SEMA6A: variants seen among roughly 807,000 people sequenced by gnomAD.
SEMA6A encodes semaphorin-6A.
In SEMA6A, 25 loss-of-function variants were observed where a neutral mutation model predicts 96.8. The ratio of observed to expected loss-of-function variants is 0.26; its 90% CI spans 0.19 to 0.36. The LOEUF (loss-of-function observed/expected upper bound fraction) is 0.36, where lower values mean the gene tolerates loss of function less well. Ranked by LOEUF, SEMA6A falls within the 10% of genes least tolerant of loss-of-function variation. The probability of loss-of-function intolerance (pLI) is 1.00; values close to 1 mark genes in which losing one functional copy is unlikely to be tolerated. For missense variants in SEMA6A, 1,363 were observed against 1,323.1 expected (o/e 1.03, Z -0.47); for synonymous variants, 612 against 518.0 (o/e 1.18, Z -2.46).
intron 1 of SEMA6A, among the ~76,000 whole-genome samples, chr5:116,528,355 G>T (rs1391674600): frequency 1.3e-5 from 2 of 152,124 alleles, no homozygotes; most frequent in African/African-American, 4.8e-5. Context: ...ACAGACCCCA[G>T]TACCTTGCTG....
chr5:116,478,120 T>A lies in SEMA6A; in HGVS notation c.1462A>T (p.Met488Leu), dbSNP rs764939475. The A allele has an allele frequency of 6.2e-7, 1 of 1,613,958 alleles. No homozygotes were observed. Among genetic ancestry groups the A allele is most frequent in the Non-Finnish European group, 8.5e-7 (1 of 1,179,860 alleles). ...SYDGVEDKRI[M>L]GMQLDRASSS... ...CTTGCTCTGTCCAGCTGCATGCCCA[T>A]GATCCTTTTGTCTTCGACTCCATCA... Residue 488 changes from methionine to leucine, a missense_variant, in exon 14 of 19, where the codon ATG becomes TTG. Coordinates refer to ENST00000343348, the MANE Select transcript of SEMA6A (RefSeq NM_020796.5).
At chr5:116,572,171 G>A (rs1366627927) in intron 1 of SEMA6A, among the ~76,000 whole-genome samples, 1 of 152,222 alleles carries the variant, frequency 6.6e-6, no homozygotes, top group Non-Finnish European at 1.5e-5. Flanking sequence ...CTGCAAGTGG[G>A]TTAAACGGCT....
At chr5:116,473,164 G>T in intron 16 of SEMA6A, 71 bp from the exon 17 acceptor site, 2 of 1,457,690 alleles carry the variant, frequency 1.4e-6, no homozygotes, top group Non-Finnish European at 1.9e-6. Context: ...ACATAAGTGG[G>T]AATGAGCTAA....
intron 16 of SEMA6A, among the ~76,000 whole-genome samples, chr5:116,473,864 C>G (rs1756301030): frequency 6.6e-6 from 1 of 152,210 alleles, no homozygotes; most frequent in Admixed American, 6.5e-5. Flanking sequence ...GCAGCCTTAC[C>G]TCCTGCCCCG....
intron 1 of SEMA6A, among the ~76,000 whole-genome samples, chr5:116,526,760 C>A (rs996868676): frequency 2.0e-5 from 3 of 152,146 alleles, no homozygotes; most frequent in African/African-American, 2.4e-5. Context: ...AACTCCTGTT[C>A]TATATACACG....
chr5:116,570,352 G>T (rs1761163266), intron 1 of SEMA6A, among the ~76,000 whole-genome samples: 1 of 152,044 alleles, frequency 6.6e-6, no homozygotes, highest in South Asian at 2.1e-4. Flanking sequence ...AGTGGGGGGG[G>T]TTCCTGATAT....
chr5:116,544,068 T>C (rs78994035), intron 1 of SEMA6A, among the ~76,000 whole-genome samples: 3,313 of 152,230 alleles, frequency 0.022, 111 homozygotes, highest in African/African-American at 0.072. Flanking sequence ...ATGAAATAAC[T>C]GGGGTACTTG....
At chr5:116,545,761 AAAAATGGCAGCTCCAAATGGG>A (rs1198442244) in intron 1 of SEMA6A, among the ~76,000 whole-genome samples, 2 of 152,238 alleles carry the variant, frequency 1.3e-5, no homozygotes, top group Non-Finnish European at 2.9e-5. Context: ...GCTGCTATGG[AAAAATGGCAGCTCCAAATGGG>A]AAAATGGAGA....
intron 1 of SEMA6A, among the ~76,000 whole-genome samples, chr5:116,569,778 G>A (rs543448204): frequency 6.6e-6 from 1 of 152,308 alleles, no homozygotes; most frequent in African/African-American, 2.4e-5. Context: ...TCAAAGAATG[G>A]AGTTGCCATT....
chr5:116,557,165 A>G (rs1254026841), intron 1 of SEMA6A, among the ~76,000 whole-genome samples: 1 of 152,260 alleles, frequency 6.6e-6, no homozygotes, highest in Non-Finnish European at 1.5e-5. Context: ...TCTGAGGACT[A>G]ATTATATCAT....
At chr5:116,468,643 A>G (rs535613977) in intron 17 of SEMA6A, 1 of 152,348 alleles carries the variant, frequency 6.6e-6, no homozygotes, top group East Asian at 1.9e-4. Context: ...CCACAAGGTT[A>G]AATACAGATT....
intron 1 of SEMA6A, among the ~76,000 whole-genome samples, chr5:116,537,412 C>A (rs1759763863): frequency 6.6e-6 from 1 of 152,156 alleles, no homozygotes; most frequent in South Asian, 2.1e-4. Context: ...TCCTGCTCTG[C>A]ACGTGAAGCA....
chr5:116,543,514 CAA>C (rs1760059978), intron 1 of SEMA6A, among the ~76,000 whole-genome samples: 1 of 152,186 alleles, frequency 6.6e-6, no homozygotes, highest in Admixed American at 6.5e-5. Context: ...AATATAAAAA[CAA>C]TGCTTATCTC....
intron 1 of SEMA6A, among the ~76,000 whole-genome samples, chr5:116,545,726 T>C (rs577668021): frequency 3.3e-4 from 50 of 152,222 alleles, no homozygotes; most frequent in Non-Finnish European, 6.6e-4. Flanking sequence ...GCATTTGACA[T>C]TTCTAATACC....
At chr5:116,479,884 C>A (rs1265431411) in intron 12 of SEMA6A, among the ~76,000 whole-genome samples, 2 of 152,156 alleles carry the variant, frequency 1.3e-5, no homozygotes, top group Admixed American at 1.3e-4. Flanking sequence ...AAGGTATTTC[C>A]TTCCTCTAAT....
intron 1 of SEMA6A, among the ~76,000 whole-genome samples, chr5:116,569,666 G>A (rs1761131478): frequency 6.6e-6 from 1 of 152,184 alleles, no homozygotes; most frequent in Non-Finnish European, 1.5e-5. Flanking sequence ...CCTGAAGGAA[G>A]CCTGCAGGTA....
intron 1 of SEMA6A, among the ~76,000 whole-genome samples, chr5:116,517,026 A>G (rs1758699032): frequency 6.6e-6 from 1 of 152,208 alleles, no homozygotes; most frequent in African/African-American, 2.4e-5. Flanking sequence ...GATGAGGCCA[A>G]GTTCATTTCA....
Position 116,509,029 on chromosome 5 carries a change from C to G in SEMA6A, c.-38-4047G>C, listed in dbSNP as rs546731815. 3.2e-4 allele frequency among the ~76,000 whole-genome samples: 48 copies of G among 152,262 alleles called. No homozygotes were observed. The South Asian group carries it at 9.7e-3, about 31-fold the overall frequency. Reference sequence around the variant, plus strand: ...ATGAACACTGCTTGTTTTAGAGACCCGGCTGGGCTGCCCCACCAACTGTCT... The same window carrying G: ...ATGAACACTGCTTGTTTTAGAGACCGGGCTGGGCTGCCCCACCAACTGTCT... On this transcript the variant is annotated intron_variant, in intron 1 of 18. Transcript: ENST00000343348.
At chr5:116,526,549 G>A (rs1019222727) in intron 1 of SEMA6A, among the ~76,000 whole-genome samples, 4 of 152,134 alleles carry the variant, frequency 2.6e-5, no homozygotes, top group African/African-American at 9.7e-5. Flanking sequence ...GGGTAGACAG[G>A]TATACCAATA....
Sources: gnomAD v4.1 joint callset for allele counts (sites outside exome capture counted in the v4.1 genomes callset) on GRCh38, gnomAD v4.1.1 for gene constraint, MANE v1.5 for transcripts, NCBI Gene and HGNC (gene_info 2026-07-23, HGNC 2026-07-21) for gene names.